Variants in BMERB1 observed in about 807,000 individuals in gnomAD.
BMERB1 encodes bMERB domain-containing protein 1.
In BMERB1, 12 loss-of-function variants were observed where a neutral mutation model predicts 23.6. That is an observed-to-expected ratio of 0.51 (90% CI 0.33 to 0.82). The LOEUF (loss-of-function observed/expected upper bound fraction) is 0.82, where lower values mean the gene tolerates loss of function less well. Among genes scored for constraint, BMERB1 ranks in the 40% least tolerant of loss-of-function variants. The pLI, the probability that BMERB1 is intolerant of heterozygous loss-of-function variation, is 0.03. For missense variants in BMERB1, 247 were observed against 255.4 expected, an observed-to-expected ratio of 0.97 and a Z score of 0.22; for synonymous variants, 122 against 96.6, an observed-to-expected ratio of 1.26 and a Z score of -1.54.
intron 3 of BMERB1, among the ~76,000 whole-genome samples, chr16:15,573,287 C>G (rs995957983): frequency 6.6e-6 from 1 of 152,304 alleles, no homozygotes; most frequent in African/African-American, 2.4e-5. Context: ...CCTAGACAAA[C>G]CTGACTTATC....
intron 1 of BMERB1, among the ~76,000 whole-genome samples, chr16:15,481,459 G>A (rs900827053): frequency 3.9e-5 from 6 of 152,050 alleles, no homozygotes; most frequent in East Asian, 1.9e-4. Flanking sequence ...CCCGGGAGGC[G>A]GAGCTTGCAG....
chr16:15,555,253 G>A (rs2150967613), intron 2 of BMERB1, among the ~76,000 whole-genome samples: 1 of 152,058 alleles, frequency 6.6e-6, no homozygotes, highest in African/African-American at 2.4e-5. Context: ...TTTTTTTATT[G>A]TGTAGAGACA....
chr16:15,458,970 G>A (rs2051112361), intron 1 of BMERB1, among the ~76,000 whole-genome samples: 1 of 152,052 alleles, frequency 6.6e-6, no homozygotes, highest in Non-Finnish European at 1.5e-5. Flanking sequence ...ATCCGGGCGT[G>A]GTGGCGGGCG....
chr16:15,439,998 A>G lies in BMERB1; in HGVS notation c.106+5239A>G, dbSNP rs537818872. Among the ~76,000 whole-genome samples, 3 of 152,152 alleles carry G rather than the reference A, an allele frequency of 2.0e-5. No homozygotes were observed. In the East Asian group the frequency reaches 5.8e-4, roughly 29 times the overall value. ...GGTGGCTCATGCCTGTAATCCCAGC[A>G]CTTTGGGAGGCTGAGGTGGGCGGAT... On this transcript the variant is annotated intron_variant, in intron 1 of 5. Transcript: ENST00000300006.
intron 1 of BMERB1, among the ~76,000 whole-genome samples, chr16:15,504,509 A>T (rs1000172529): frequency 1.3e-5 from 2 of 150,952 alleles, no homozygotes; most frequent in African/African-American, 2.4e-5. Context: ...GTGCAGTGGC[A>T]CCATCATAGA....
chr16:15,514,664 G>C (rs2051723093), intron 1 of BMERB1, among the ~76,000 whole-genome samples: 1 of 152,126 alleles, frequency 6.6e-6, no homozygotes, highest in African/African-American at 2.4e-5. Flanking sequence ...TGTAATCCCA[G>C]CTACTTATAA....
Position 15,512,389 on chromosome 16 carries a change from G to A in BMERB1, c.107-2916G>A, listed in dbSNP as rs1011465420. ...TGCAAATCACAGCGCCCTAAACCCT[G>A]TGCACGTGTGCAAGGGCCAGGGCCC... On this transcript the variant is annotated intron_variant, in intron 1 of 5. Transcript: ENST00000300006. Among the ~76,000 whole-genome samples the A allele has an allele frequency of 9.3e-4, 142 of 152,294 alleles. 1 individual carries two copies. Among genetic ancestry groups the A allele is most frequent in the African/African-American group, 3.1e-3 (128 of 41,570 alleles).
intron 1 of BMERB1, among the ~76,000 whole-genome samples, chr16:15,513,849 G>T (rs2051708514): frequency 6.6e-6 from 1 of 151,940 alleles, no homozygotes; most frequent in African/African-American, 2.4e-5. Flanking sequence ...AGCCAAGATC[G>T]TGCCACTGCA....
intron 2 of BMERB1, among the ~76,000 whole-genome samples, chr16:15,559,437 C>T (rs1370372249): frequency 1.3e-5 from 2 of 152,206 alleles, no homozygotes; most frequent in African/African-American, 4.8e-5. Flanking sequence ...TTGTCAAGAG[C>T]AGGAGCTAGG....
chr16:15,493,419 G>A (rs1003760496), intron 1 of BMERB1, among the ~76,000 whole-genome samples: 15 of 152,000 alleles, frequency 9.9e-5, no homozygotes, highest in African/African-American at 3.6e-4. Flanking sequence ...GAACATTGGC[G>A]GAAAAACAAG....
At position 15,474,985 on chromosome 16, in the gene BMERB1, C is replaced by G. The variant is rs148563716; in HGVS notation, c.106+40226C>G. On this transcript the variant is annotated intron_variant, in intron 1 of 5. Transcript: ENST00000300006. ...TTCAGGTGTGAGCCACCGCACCCAGCCTTTCTCTTTTCTTTTTAAGCAGGT... is the reference window on the plus strand; with the variant it reads ...TTCAGGTGTGAGCCACCGCACCCAGGCTTTCTCTTTTCTTTTTAAGCAGGT... Among the ~76,000 whole-genome samples the G allele has an allele frequency of 2.5e-3, 375 of 152,226 alleles. 3 individuals carry two copies. Among genetic ancestry groups the G allele is most frequent in the African/African-American group, 8.1e-3 (337 of 41,532 alleles).
At chr16:15,559,405 GA>G (rs1426361220) in intron 2 of BMERB1, among the ~76,000 whole-genome samples, 1 of 152,216 alleles carries the variant, frequency 6.6e-6, no homozygotes, top group Admixed American at 6.5e-5. Flanking sequence ...GAGCCACATG[GA>G]GAGGAGACAA....
intron 1 of BMERB1, among the ~76,000 whole-genome samples, chr16:15,436,421 G>A (rs952519138): frequency 6.6e-6 from 1 of 151,878 alleles, no homozygotes; most frequent in Admixed American, 6.6e-5. Flanking sequence ...ACCATGCCTG[G>A]CTAACTTTTG....
intron 3 of BMERB1, among the ~76,000 whole-genome samples, chr16:15,579,263 C>T (rs572497157): frequency 2.0e-5 from 3 of 152,190 alleles, no homozygotes; most frequent in East Asian, 1.9e-4. Flanking sequence ...GGTGTTGGTG[C>T]GTGCTTGGAG....
chr16:15,577,511 CA>C (rs1258874936), intron 3 of BMERB1, among the ~76,000 whole-genome samples: 1 of 152,104 alleles, frequency 6.6e-6, no homozygotes, highest in Non-Finnish European at 1.5e-5. Context: ...AGAGAAGGAG[CA>C]AAAGTTTATT....
chr16:15,477,158 C>T (rs2051281483), intron 1 of BMERB1, among the ~76,000 whole-genome samples: 1 of 152,032 alleles, frequency 6.6e-6, no homozygotes, highest in Non-Finnish European at 1.5e-5. Flanking sequence ...GTTGACTCAC[C>T]CTTCCACATG....
intron 1 of BMERB1, among the ~76,000 whole-genome samples, chr16:15,498,259 G>A (rs184030399): frequency 6.2e-4 from 95 of 152,154 alleles, no homozygotes; most frequent in Non-Finnish European, 1.1e-3. Flanking sequence ...GGTTTAGGCT[G>A]TGTGCAGTGG....
chr16:15,577,376 C>T (rs536388099), intron 3 of BMERB1: 8 of 152,304 alleles, frequency 5.3e-5, no homozygotes, highest in African/African-American at 1.4e-4. Flanking sequence ...ATAATTTCTT[C>T]TTCACTCCTG....
chr16:15,462,137 CTTTTTTTTTTTT>C (rs71152431), intron 1 of BMERB1, among the ~76,000 whole-genome samples: 2 of 56,962 alleles, frequency 3.5e-5, no homozygotes, highest in African/African-American at 7.9e-5. Context: ...GATGTCCTGC[CTTTTTTTTTTTT>C]TTTTTTTTTT....
Sources: gnomAD v4.1 joint callset for allele counts (sites outside exome capture counted in the v4.1 genomes callset) on GRCh38, gnomAD v4.1.1 for gene constraint, MANE v1.5 for transcripts, NCBI Gene and HGNC (gene_info 2026-07-23, HGNC 2026-07-21) for gene names.